AADACL4: variants seen among roughly 807,000 people sequenced by gnomAD.
AADACL4 encodes arylacetamide deacetylase-like 4.
AADACL4 carries 9 observed loss-of-function variants against 14.1 expected under a neutral mutation model. The ratio of observed to expected loss-of-function variants is 0.64; its 90% CI spans 0.39 to 1.12. AADACL4 has a LOEUF of 1.12. Ranked by LOEUF, AADACL4 falls within the 50% of genes most tolerant of loss-of-function variation. The probability of loss-of-function intolerance (pLI) is 0.01; values close to 1 mark genes in which losing one functional copy is unlikely to be tolerated. For missense variants in AADACL4, 531 were observed against 516.1 expected (o/e 1.03, Z -0.28); for synonymous variants, 188 against 201.6 (o/e 0.93, Z 0.57).
chr1:12,665,871 G>C, intron 3 of AADACL4, 90 bp from the exon 4 acceptor site: 4 of 1,334,632 alleles, frequency 3.0e-6, no homozygotes, highest in Non-Finnish European at 4.1e-6. Flanking sequence ...ATCAGATATA[G>C]TCTTGTAAGG....
intron 2 of AADACL4, among the ~76,000 whole-genome samples, chr1:12,658,108 T>TTCCTTCTTTCCTTCC (rs1647195201): frequency 3.3e-5 from 4 of 122,082 alleles, no homozygotes; most frequent in African/African-American, 1.6e-4. Context: ...TCTCTCTTTC[T>TTCCTTCTTTCCTTCC]TTCCTTCCTT....
At chr1:12,658,288 T>C (rs1323123888) in intron 2 of AADACL4, among the ~76,000 whole-genome samples, 1 of 150,960 alleles carries the variant, frequency 6.6e-6, no homozygotes, top group Non-Finnish European at 1.5e-5. Flanking sequence ...AAACAGAGTC[T>C]TACTCTGTCA....
At position 12,644,211 on chromosome 1, in the gene AADACL4, A is replaced by G. The variant is rs1258013359; in HGVS notation, c.-336A>G. On this transcript the variant is annotated 5_prime_UTR_variant, in exon 1 of 4. Coordinates refer to ENST00000376221, the MANE Select transcript of AADACL4 (RefSeq NM_001013630.2). ...CAGGCCCTGGAGGCCTATATAACCC[A>G]TATGAGATCTCTTTCTAGGGTTCCC... Among the ~76,000 whole-genome samples the G allele has an allele frequency of 6.6e-6, 1 of 152,160 alleles. No homozygotes were observed. The highest frequency in any genetic ancestry group is 1.9e-4 in the East Asian group (1 of 5,192).
At position 12,651,064 on chromosome 1, in the gene AADACL4, T is replaced by C. The variant is rs146047731; in HGVS notation, c.169-59T>C. 185 of 1,500,680 alleles carry C rather than the reference T, an allele frequency of 1.2e-4. 1 individual carries two copies. The African/African-American group carries it at 2.3e-3, about 19-fold the overall frequency. 93.0% of individuals were successfully genotyped at this position (1,500,680 alleles called of 1,614,324 possible). On this transcript the variant is annotated intron_variant, in intron 1 of 3. Coordinates refer to ENST00000376221, the MANE Select transcript of AADACL4 (RefSeq NM_001013630.2). ...CCTAACAATTCTAAGTGTCAGGGAA[T>C]CTACCATCCAGATTCTAACCTCTCC...
intron 2 of AADACL4, among the ~76,000 whole-genome samples, chr1:12,653,046 G>T (rs747919177): frequency 1.3e-5 from 2 of 152,096 alleles, no homozygotes; most frequent in Non-Finnish European, 2.9e-5. Context: ...ATACTTAGGG[G>T]TTGATGACGG....
chr1:12,651,163 A>T lies in AADACL4; in HGVS notation c.209A>T (p.Lys70Ile). The change falls in exon 2 of 4, where the codon AAA (lysine) becomes ATA (isoleucine). Residue 70 changes from lysine to isoleucine, a missense_variant. Transcript: ENST00000376221. ...FEKLGICSMP[K>I]FIRFLHDSVR... ...AAGCTGGGAATTTGCTCCATGCCCA[A>T]ATTTATTCGTTTTTTACATGATAGC... The T allele has an allele frequency of 6.2e-7, 1 of 1,614,164 alleles. No homozygotes were observed. The highest frequency in any genetic ancestry group is 8.5e-7 in the Non-Finnish European group (1 of 1,180,038).
chr1:12,666,320 G>T lies in AADACL4; in HGVS notation c.809G>T (p.Gly270Val). ...DLSWRDAILNGTCVPPDVWRK... is the reference protein window; with the variant it reads ...DLSWRDAILNVTCVPPDVWRK... ...TCCTGGCGTGACGCCATCTTGAACG[G>T]CACTTGTGTACCCCCAGACGTCTGG... is the stretch of plus-strand genomic sequence containing the variant. Residue 270 changes from glycine (G) to valine (V), a missense_variant, in exon 4 of 4, where the codon GGC becomes GTC. Gly to Val is a moderately radical substitution (Grantham distance 109). Transcript: ENST00000376221. 2.0e-5 allele frequency: 32 copies of T among 1,614,160 alleles called. No individual in the cohort carries two copies. The highest frequency in any genetic ancestry group is 2.7e-5 in the Non-Finnish European group (32 of 1,180,040).
chr1:12,657,570 A>G (rs972064026), intron 2 of AADACL4, among the ~76,000 whole-genome samples: 3 of 152,206 alleles, frequency 2.0e-5, no homozygotes, highest in African/African-American at 4.8e-5. Context: ...TGCAAAGGGA[A>G]AAGCACATAG....
At chr1:12,657,358 C>T (rs185732884) in intron 2 of AADACL4, among the ~76,000 whole-genome samples, 22 of 152,090 alleles carry the variant, frequency 1.4e-4, no homozygotes, top group South Asian at 4.2e-4. Flanking sequence ...AAGGTTGGAG[C>T]GGGACTTACC....
In AADACL4 at chr1:12,658,096, TTTCTCTCTTTCTTTCCTTCC is replaced by T. The variant is rs1178653090; in HGVS notation, c.386-3691_386-3672del. Among the ~76,000 whole-genome samples, 106 of 133,824 alleles carry T rather than the reference TTTCTCTCTTTCTTTCCTTCC, an allele frequency of 7.9e-4. 1 individual carries two copies. The highest frequency in any genetic ancestry group is 3.8e-3 in the Middle Eastern group (1 of 262). 87.8% of individuals were successfully genotyped at this position (133,824 alleles called of 152,430 possible). ...TTCTTTCTTTCTTTCTTTCTCTTTC[TTTCTCTCTTTCTTTCCTTCC>T]TTCCTTCCTTCCTTCCTTCCTTCCT... On this transcript the variant is annotated intron_variant, in intron 2 of 3. Transcript: ENST00000376221.
At chr1:12,661,760 C>A in intron 2 of AADACL4, 31 bp from the exon 3 acceptor site, 2 of 1,609,120 alleles carry the variant, frequency 1.2e-6, no homozygotes, top group Non-Finnish European at 8.5e-7. Context: ...CCTACTCATG[C>A]GCTGCTGCTC....
At chr1:12,645,621 C>A (rs981980362) in intron 1 of AADACL4, among the ~76,000 whole-genome samples, 2 of 152,130 alleles carry the variant, frequency 1.3e-5, no homozygotes, top group African/African-American at 4.8e-5. Context: ...TGGCTCAGTG[C>A]AGCCTCAACC....
At chr1:12,647,896 G>C (rs992612783) in intron 1 of AADACL4, among the ~76,000 whole-genome samples, 2 of 151,594 alleles carry the variant, frequency 1.3e-5, no homozygotes, top group African/African-American at 2.4e-5. Flanking sequence ...GGGCTCAAGA[G>C]ATCCGCCTGC....
At chr1:12,658,131 CCTTCCTTCCTTTCTTT>C (rs1386423047) in intron 2 of AADACL4, among the ~76,000 whole-genome samples, 8 of 119,964 alleles carry the variant, frequency 6.7e-5, no homozygotes, top group African/African-American at 1.0e-4. Context: ...TTCCTTCCTT[CCTTCCTTCCTTTCTTT>C]CTTTCTTTCT....
chr1:12,649,245 AGC>A, intron 1 of AADACL4, among the ~76,000 whole-genome samples: 1 of 152,302 alleles, frequency 6.6e-6, no homozygotes, highest in African/African-American at 2.4e-5. Context: ...ATGACTCTTG[AGC>A]CTGGATATGA....
intron 1 of AADACL4, among the ~76,000 whole-genome samples, chr1:12,649,612 G>T (rs547489678): frequency 3.9e-5 from 6 of 152,176 alleles, no homozygotes; most frequent in Non-Finnish European, 7.3e-5. Context: ...GGAGGGAACC[G>T]ATTGGGGTAG....
chr1:12,653,131 C>G (rs928842368), intron 2 of AADACL4, among the ~76,000 whole-genome samples: 12 of 152,150 alleles, frequency 7.9e-5, no homozygotes, highest in Admixed American at 1.3e-4. Context: ...TTGGAAATCT[C>G]TGGATGCCTA....
chr1:12,658,124 C>T lies in AADACL4; in HGVS notation c.386-3667C>T, dbSNP rs1367102036. Among the ~76,000 whole-genome samples, 197 of 120,206 alleles carry T rather than the reference C, an allele frequency of 1.6e-3. 4 individuals are homozygous for T. The highest frequency in any genetic ancestry group is 7.7e-3 in the African/African-American group (186 of 24,166). The allele number at this position is 120,206 out of a possible 152,430, so 78.9% of individuals were successfully genotyped here. A position where few individuals can be genotyped will look rare whatever the true frequency, so the allele number is the denominator to read the frequency against. ...CTCTCTTTCTTTCCTTCCTTCCTTC[C>T]TTCCTTCCTTCCTTCCTTTCTTTCT... On this transcript the variant is annotated intron_variant, in intron 2 of 3. Coordinates refer to ENST00000376221, the MANE Select transcript of AADACL4 (RefSeq NM_001013630.2).
In AADACL4 at chr1:12,644,585, C is replaced by T; in HGVS notation, c.39C>T (p.Pro13=). The change falls in exon 1 of 4, where the codon CCC becomes CCT. Residue 13 remains proline (P), a synonymous_variant. Coordinates refer to ENST00000376221, the MANE Select transcript of AADACL4 (RefSeq NM_001013630.2). ...GGCTAGTGCTACTCTTGGCATTGCCCATCTTTTTCCTGGGGGTCTTTGTCT... is the reference window on the plus strand; with the variant it reads ...GGCTAGTGCTACTCTTGGCATTGCCTATCTTTTTCCTGGGGGTCTTTGTCT... The part of the protein sequence containing the change: ...VPWLVLLLAL[P]IFFLGVFVWA... 1.2e-6 allele frequency: 2 copies of T among 1,614,116 alleles called. No individual in the cohort carries two copies. Among genetic ancestry groups the T allele is most frequent in the Non-Finnish European group, 1.7e-6 (2 of 1,179,996 alleles).
Sources: gnomAD v4.1 joint callset for allele counts (sites outside exome capture counted in the v4.1 genomes callset) on GRCh38, gnomAD v4.1.1 for gene constraint, MANE v1.5 for transcripts, NCBI Gene and HGNC (gene_info 2026-07-23, HGNC 2026-07-21) for gene names.